C2orf76: variants seen among roughly 807,000 people sequenced by gnomAD.
C2orf76 encodes the protein UPF0538 protein C2orf76.
A neutral mutation model predicts 16.9 loss-of-function variants in C2orf76; 23 were observed. The ratio of observed to expected loss-of-function variants is 1.36; its 90% CI spans 0.98 to 1.93. The LOEUF (loss-of-function observed/expected upper bound fraction) is 1.93, where lower values mean the gene tolerates loss of function less well. C2orf76 is among the 30% of genes most tolerant of loss of function. The probability of loss-of-function intolerance (pLI) is 0.00; values close to 1 mark genes in which losing one functional copy is unlikely to be tolerated. For synonymous variants in C2orf76, 48 were observed against 52.3 expected, an observed-to-expected ratio of 0.92 and a Z score of 0.35; for missense variants, 152 against 152.6, an observed-to-expected ratio of 1.00 and a Z score of 0.02.
intron 1 of C2orf76, among the ~76,000 whole-genome samples, chr2:119,347,344 A>G (rs1243508743): frequency 6.6e-6 from 1 of 152,224 alleles, no homozygotes; most frequent in Non-Finnish European, 1.5e-5. Context: ...ATATTAAAAG[A>G]GACTTAAAAG....
At chr2:119,283,205 C>G in the C2orf76 span, among the ~76,000 whole-genome samples, 20 of 152,152 alleles carry the variant, frequency 1.3e-4, no homozygotes, top group Non-Finnish European at 2.5e-4. Context: ...AGGTGTAGCT[C>G]GGGGCAGGGG....
downstream of C2orf76, among the ~76,000 whole-genome samples, chr2:119,299,813 G>A (rs2104524989): frequency 6.6e-6 from 1 of 152,254 alleles, no homozygotes; most frequent in African/African-American, 2.4e-5. Context: ...AAAAAAGCCT[G>A]GTATGCAAAT....
chr2:119,365,312 GA>G (rs1680903779), intron 1 of C2orf76, among the ~76,000 whole-genome samples: 1 of 152,052 alleles, frequency 6.6e-6, no homozygotes, highest in Non-Finnish European at 1.5e-5. Flanking sequence ...GCCTCAAATG[GA>G]AAAAGCAGCT....
chr2:119,364,039 G>GAGACAGAGAGAC (rs1553451433), intron 1 of C2orf76, among the ~76,000 whole-genome samples: 4 of 147,680 alleles, frequency 2.7e-5, no homozygotes, highest in Non-Finnish European at 6.0e-5. Flanking sequence ...GAGAGAGAGA[G>GAGACAGAGAGAC]AGACAGACAG....
downstream of C2orf76, among the ~76,000 whole-genome samples, chr2:119,299,716 A>C (rs1489467558): frequency 6.6e-6 from 1 of 152,226 alleles, no homozygotes; most frequent in Non-Finnish European, 1.5e-5. Flanking sequence ...TAAGAAAAAT[A>C]CATACCAAAA....
At chr2:119,358,806 T>G (rs1680653653) in intron 1 of C2orf76, among the ~76,000 whole-genome samples, 1 of 152,002 alleles carries the variant, frequency 6.6e-6, no homozygotes, top group Non-Finnish European at 1.5e-5. Flanking sequence ...AAAGAAGCAG[T>G]CTCCATAACA....
intron 1 of C2orf76, among the ~76,000 whole-genome samples, chr2:119,361,374 A>T (rs1194292630): frequency 6.6e-6 from 1 of 152,232 alleles, no homozygotes; most frequent in Non-Finnish European, 1.5e-5. Context: ...CTCAAATTTT[A>T]TTATAGATAT....
At chr2:119,311,299 C>A (rs1678978054) in intron 5 of C2orf76, 20 of 985,438 alleles carry the variant, frequency 2.0e-5, no homozygotes, top group Non-Finnish European at 2.3e-5. Context: ...CTCCAACCAT[C>A]GGCTCAAGTG....
chr2:119,281,500 C>T, the C2orf76 span, among the ~76,000 whole-genome samples: 1 of 145,260 alleles, frequency 6.9e-6, no homozygotes, highest in Non-Finnish European at 1.5e-5. Context: ...CAGAGTGAGA[C>T]CCTACCACAA....
downstream of C2orf76, among the ~76,000 whole-genome samples, chr2:119,300,852 T>G (rs889826096): frequency 6.6e-6 from 1 of 152,236 alleles, no homozygotes; most frequent in Non-Finnish European, 1.5e-5. Context: ...ACTGAATGCC[T>G]ACTGCTTTCA....
At chr2:119,342,122 A>G (rs970739851) in intron 1 of C2orf76, among the ~76,000 whole-genome samples, 1 of 152,224 alleles carries the variant, frequency 6.6e-6, no homozygotes, top group Non-Finnish European at 1.5e-5. Context: ...AGCAGAATTG[A>G]TAAGTAAAGG....
At chr2:119,288,914 C>G in the C2orf76 span, among the ~76,000 whole-genome samples, 1 of 152,028 alleles carries the variant, frequency 6.6e-6, no homozygotes, top group Non-Finnish European at 1.5e-5. Context: ...GCCTCCTCTC[C>G]CTCTCTTACA....
At chr2:119,362,482 T>C (rs1043686211) in intron 1 of C2orf76, among the ~76,000 whole-genome samples, 1 of 152,200 alleles carries the variant, frequency 6.6e-6, no homozygotes, top group Non-Finnish European at 1.5e-5. Flanking sequence ...AGGTGGTTTG[T>C]CATGTGCAGC....
upstream of C2orf76, chr2:119,366,952 G>T: frequency 6.7e-7 from 1 of 1,493,816 alleles, no homozygotes. Context: ...GGGGCGAGTG[G>T]ACCGCGCCTC....
chr2:119,351,579 T>G lies in C2orf76; in HGVS notation c.-12-11608A>C, dbSNP rs571422482. 2.6e-5 allele frequency among the ~76,000 whole-genome samples: 4 copies of G among 152,110 alleles called. No individual in the cohort carries two copies. The South Asian group carries it at 8.3e-4, about 32-fold the overall frequency. On this transcript the variant is annotated intron_variant, in intron 1 of 5. Transcript: ENST00000334816. Reference sequence around the variant, plus strand: ...CAGCCTGGGCAACATAGCAAGACTCTGTCTCTACAAAAAAAAATACCAAAA... The same window carrying G: ...CAGCCTGGGCAACATAGCAAGACTCGGTCTCTACAAAAAAAAATACCAAAA...
chr2:119,286,081 C>T, the C2orf76 span, among the ~76,000 whole-genome samples: 1 of 152,014 alleles, frequency 6.6e-6, no homozygotes, highest in African/African-American at 2.4e-5. Flanking sequence ...CAAAAATTAG[C>T]TGGGCATAGT....
intron 1 of C2orf76, among the ~76,000 whole-genome samples, chr2:119,346,628 G>C (rs1680210605): frequency 6.6e-6 from 1 of 152,142 alleles, no homozygotes; most frequent in Non-Finnish European, 1.5e-5. Context: ...TGTTGCCAGG[G>C]GTTAGGGGAA....
intron 2 of C2orf76, among the ~76,000 whole-genome samples, chr2:119,321,584 T>C (rs777591379): frequency 4.6e-5 from 7 of 151,972 alleles, no homozygotes; most frequent in Non-Finnish European, 8.8e-5. Context: ...AAGAACAGCA[T>C]GGGAAAAACC....
intron 2 of C2orf76, among the ~76,000 whole-genome samples, chr2:119,327,694 T>G (rs1216895318): frequency 6.6e-6 from 1 of 152,190 alleles, no homozygotes; most frequent in Non-Finnish European, 1.5e-5. Flanking sequence ...ACCATGGTAG[T>G]AAGCTTCTTG....
Sources: allele counts gnomAD v4.1 joint callset (sites outside exome capture counted in the v4.1 genomes callset), GRCh38; gene constraint gnomAD v4.1.1; transcripts MANE v1.5; gene names NCBI Gene and HGNC (gene_info 2026-07-23, HGNC 2026-07-21).